The following PDE10A variants were observed in gnomAD, a reference collection of about 807,000 sequenced individuals.
The protein encoded by PDE10A is cAMP and cAMP-inhibited cGMP 3',5'-cyclic phosphodiesterase 10A.
Under a neutral mutation model 97.7 loss-of-function variants are expected in PDE10A, and 39 were observed. That is an observed-to-expected ratio of 0.40 (90% confidence interval 0.31 to 0.52). PDE10A has a LOEUF of 0.52. Among genes scored for constraint, PDE10A ranks in the 20% least tolerant of loss-of-function variants. The probability of loss-of-function intolerance (pLI) is 0.56; values close to 1 mark genes in which losing one functional copy is unlikely to be tolerated. For missense variants in PDE10A, 731 were observed against 1,047.8 expected, an observed-to-expected ratio of 0.70 and a Z score of 4.17; for synonymous variants, 371 against 376.8, an observed-to-expected ratio of 0.98 and a Z score of 0.18.
At chr6:165,980,930 T>C (rs868373920) in intron 1 of PDE10A, among the ~76,000 whole-genome samples, 5 of 152,264 alleles carry the variant, frequency 3.3e-5, no homozygotes, top group Non-Finnish European at 5.9e-5. Context: ...TGCTAACAGG[T>C]GAAGATAATT....
chr6:165,925,257 T>C (rs1220722522), intron 1 of PDE10A, among the ~76,000 whole-genome samples: 2 of 152,138 alleles, frequency 1.3e-5, no homozygotes, highest in Non-Finnish European at 2.9e-5. Context: ...CAAATGGTGG[T>C]GGGGTGAAGA....
At chr6:165,850,626 C>A (rs1199260965) in intron 1 of PDE10A, among the ~76,000 whole-genome samples, 3 of 152,158 alleles carry the variant, frequency 2.0e-5, no homozygotes, top group African/African-American at 7.2e-5. Flanking sequence ...CAGCTGGGTG[C>A]CCTCTGCTGG....
chr6:165,931,965 G>A (rs533272564), intron 1 of PDE10A, among the ~76,000 whole-genome samples: 8 of 152,308 alleles, frequency 5.3e-5, no homozygotes, highest in African/African-American at 1.9e-4. Flanking sequence ...TGTGGCAGAT[G>A]ACAGAAAGGT....
chr6:165,859,637 C>T (rs1780844576), intron 1 of PDE10A, among the ~76,000 whole-genome samples: 1 of 152,208 alleles, frequency 6.6e-6, no homozygotes, highest in Admixed American at 6.5e-5. Flanking sequence ...CTCTCCAAAT[C>T]CAATCCTTTT....
chr6:165,894,485 G>A (rs1462763766), intron 1 of PDE10A: 1 of 455,980 alleles, frequency 2.2e-6, no homozygotes, highest in Non-Finnish European at 4.4e-6. Flanking sequence ...GGAAAACCTA[G>A]ATTTATAGCC....
chr6:165,334,204 G>A (rs1368084305), intron 21 of PDE10A, among the ~76,000 whole-genome samples: 2 of 152,246 alleles, frequency 1.3e-5, no homozygotes, highest in Non-Finnish European at 2.9e-5. Context: ...TACTGAAGCA[G>A]GAATGAGGCA....
At chr6:165,742,568 T>C (rs747295635) in intron 1 of PDE10A, among the ~76,000 whole-genome samples, 33 of 152,050 alleles carry the variant, frequency 2.2e-4, no homozygotes, top group Non-Finnish European at 4.0e-4. Flanking sequence ...GCAGGTGGGC[T>C]CGGGTCACTG....
intron 1 of PDE10A, among the ~76,000 whole-genome samples, chr6:165,561,271 T>A (rs530979392): frequency 4.0e-5 from 6 of 151,840 alleles, no homozygotes; most frequent in African/African-American, 7.3e-5. Context: ...TCTCCTGCTG[T>A]CATGTGAAGA....
chr6:165,482,451 G>A, intron 2 of PDE10A, 108 bp from the exon 3 acceptor site: 2 of 811,088 alleles, frequency 2.5e-6, no homozygotes, highest in Non-Finnish European at 4.4e-6. Flanking sequence ...TTTTTGCAAT[G>A]CTTCCTCTTA....
At position 165,638,983 on chromosome 6, in the gene PDE10A, A is replaced by G. The variant is rs144010898; in HGVS notation, c.865+22964T>C. Among the ~76,000 whole-genome samples the G allele has an allele frequency of 2.0e-3, 280 of 143,472 alleles. 1 individual carries two copies. The highest frequency in any genetic ancestry group is 6.7e-3 in the African/African-American group (267 of 39,958). The allele number at this position is 143,472 out of a possible 152,430, so 94.1% of individuals were successfully genotyped here. On this transcript the variant is annotated intron_variant, in intron 1 of 21. Coordinates refer to ENST00000539869, the MANE Select transcript of PDE10A (RefSeq NM_001385079.1). ...TTTATAGTCTACAAAGTACCTTCAC[A>G]TTCATTATTTCATCTTTATCCTGAC...
At chr6:165,572,904 G>A (rs1284910040) in intron 1 of PDE10A, among the ~76,000 whole-genome samples, 3 of 152,196 alleles carry the variant, frequency 2.0e-5, no homozygotes, top group African/African-American at 7.2e-5. Flanking sequence ...TCTGTAGAGT[G>A]CTAATTGTAA....
chr6:165,901,257 C>A (rs575089270), intron 1 of PDE10A, among the ~76,000 whole-genome samples: 2 of 152,326 alleles, frequency 1.3e-5, no homozygotes, highest in South Asian at 2.1e-4. Context: ...AACAAATGAA[C>A]CTCCACACCA....
chr6:165,966,231 G>A (rs1366592121), intron 1 of PDE10A, among the ~76,000 whole-genome samples: 1 of 152,220 alleles, frequency 6.6e-6, no homozygotes, highest in African/African-American at 2.4e-5. Context: ...GCTCATAATG[G>A]AGCTTAGGTA....
chr6:165,555,648 A>G (rs2128333448), intron 1 of PDE10A, among the ~76,000 whole-genome samples: 1 of 152,344 alleles, frequency 6.6e-6, no homozygotes, highest in South Asian at 2.1e-4. Flanking sequence ...GTGTCTCAGA[A>G]TAATTAATGG....
intron 2 of PDE10A, among the ~76,000 whole-genome samples, chr6:165,487,055 G>C (rs1779963632): frequency 6.6e-6 from 1 of 152,216 alleles, no homozygotes; most frequent in Non-Finnish European, 1.5e-5. Flanking sequence ...GAATGGATCC[G>C]CGACGCATTT....
In PDE10A at chr6:165,332,567, T is replaced by C. The variant is rs114638018; in HGVS notation, c.*458A>G. ...ATACATGAACATTCACCATTCACAATAGTAATGTGTAAAAATTCCTATTTA... is the reference window on the plus strand; with the variant it reads ...ATACATGAACATTCACCATTCACAACAGTAATGTGTAAAAATTCCTATTTA... On this transcript the variant is annotated 3_prime_UTR_variant, in exon 22 of 22. Transcript: ENST00000539869. 7.6e-3 allele frequency: 1,183 copies of C among 155,752 alleles called. 15 individuals carry two copies. Among genetic ancestry groups the C allele is most frequent in the African/African-American group, 0.027 (1,126 of 41,592 alleles). The allele number at this position is 155,752 out of a possible 1,614,324, so 9.6% of individuals were successfully genotyped here.
chr6:165,634,541 C>T (rs997911177), intron 1 of PDE10A, among the ~76,000 whole-genome samples: 5 of 151,890 alleles, frequency 3.3e-5, no homozygotes, highest in African/African-American at 7.3e-5. Flanking sequence ...CAAACTACAG[C>T]GAGACAAAGA....
intron 1 of PDE10A, among the ~76,000 whole-genome samples, chr6:165,854,282 G>A (rs1780652129): frequency 1.3e-5 from 2 of 152,182 alleles, no homozygotes; most frequent in South Asian, 2.1e-4. Context: ...GCCGGGTGAC[G>A]GAGGAGAAAG....
Position 165,942,120 on chromosome 6 carries a change from TA to T in PDE10A, c.-615+45408del, listed in dbSNP as rs548678788. On this transcript the variant is annotated intron_variant, in intron 1 of 19. Transcript: ENST00000366882. Reference sequence around the variant, plus strand: ...AACGTGCACATTTGGGGTTTTCTCATAAAAACTTTTTTCAATAAATGTCCGT... The same window carrying T: ...AACGTGCACATTTGGGGTTTTCTCATAAAACTTTTTTCAATAAATGTCCGT... Among the ~76,000 whole-genome samples the T allele has an allele frequency of 6.2e-3, 947 of 152,272 alleles. 11 individuals are homozygous for T. Among genetic ancestry groups the T allele is most frequent in the African/African-American group, 0.02 (821 of 41,554 alleles).
Sources: gnomAD v4.1 joint callset for allele counts (sites outside exome capture counted in the v4.1 genomes callset) on GRCh38, gnomAD v4.1.1 for gene constraint, MANE v1.5 for transcripts, NCBI Gene and HGNC (gene_info 2026-07-23, HGNC 2026-07-21) for gene names.